NRG3: variants seen among roughly 807,000 people sequenced by gnomAD.
NRG3 encodes the protein pro-neuregulin-3, membrane-bound isoform.
Under a neutral mutation model 66.9 loss-of-function variants are expected in NRG3, and 31 were observed. That is an observed-to-expected ratio of 0.46 (90% CI 0.35 to 0.63). NRG3 has a LOEUF of 0.63. Ranked by LOEUF, NRG3 falls within the 20% of genes least tolerant of loss-of-function variation. NRG3 has a pLI of 0.00. For synonymous variants in NRG3, 393 were observed against 359.4 expected (o/e 1.09, Z -1.06); for missense variants, 910 against 878.9 (o/e 1.04, Z -0.45).
chr10:82,900,178 G>A (rs1035550778), intron 4 of NRG3, among the ~76,000 whole-genome samples: 3 of 152,100 alleles, frequency 2.0e-5, no homozygotes, highest in Non-Finnish European at 2.9e-5. Flanking sequence ...ATCACTGAGG[G>A]AATGGTGCTA....
chr10:82,985,173 C>T lies in NRG3; in HGVS notation c.1659C>T (p.Pro553=), dbSNP rs144443661. ...NMQLPSRETN[P]YFNSLEQKDL... is the part of the protein sequence containing the mutation. ...AACTGCCTTCAAGAGAGACAAACCC[C>T]TATTTTAATAGCTTGGAGCAAAAGG... is the stretch of plus-strand genomic sequence containing the variant. The change falls in exon 9 of 9, where the codon CCC becomes CCT. Residue 553 remains proline (P), a synonymous_variant. Coordinates refer to ENST00000372141, the MANE Select transcript of NRG3 (RefSeq NM_001010848.4). The T allele has an allele frequency of 4.3e-6, 7 of 1,613,990 alleles. No homozygotes were observed. The African/African-American group carries it at 5.3e-5, about 12-fold the overall frequency.
intron 3 of NRG3, among the ~76,000 whole-genome samples, chr10:82,807,784 T>C (rs1265337334): frequency 6.6e-6 from 1 of 152,198 alleles, no homozygotes; most frequent in Non-Finnish European, 1.5e-5. Context: ...TTTTTCCCTG[T>C]TTCCTGTCTT....
chr10:82,490,514 T>C (rs369947824), intron 2 of NRG3, among the ~76,000 whole-genome samples: 2 of 152,286 alleles, frequency 1.3e-5, no homozygotes, highest in African/African-American at 4.8e-5. Flanking sequence ...CATCTTTTTT[T>C]TGATGCTCTT....
At chr10:82,602,281 C>T (rs1193128425) in intron 2 of NRG3, among the ~76,000 whole-genome samples, 1 of 152,046 alleles carries the variant, frequency 6.6e-6, no homozygotes, top group Non-Finnish European at 1.5e-5. Context: ...TCTATGCCTG[C>T]ATTCTTGATA....
At chr10:82,287,569 T>A (rs544840571) in intron 1 of NRG3, among the ~76,000 whole-genome samples, 13 of 151,394 alleles carry the variant, frequency 8.6e-5, no homozygotes, top group Admixed American at 2.0e-4. Context: ...GGGAGTGGGG[T>A]GAGGGTGGGC....
chr10:82,711,274 A>G (rs1008854011), intron 2 of NRG3, among the ~76,000 whole-genome samples: 1 of 151,774 alleles, frequency 6.6e-6, no homozygotes, highest in African/African-American at 2.4e-5. Context: ...TTTTTTAGAG[A>G]TGGAGCCCTG....
chr10:82,151,116 AG>A (rs1564613095), intron 1 of NRG3, among the ~76,000 whole-genome samples: 1 of 152,230 alleles, frequency 6.6e-6, no homozygotes, highest in Non-Finnish European at 1.5e-5. Context: ...AGCTTAGCAA[AG>A]GGGCGAAGCC....
intron 2 of NRG3, among the ~76,000 whole-genome samples, chr10:82,663,086 G>A (rs955159665): frequency 6.6e-6 from 1 of 152,184 alleles, no homozygotes; most frequent in Non-Finnish European, 1.5e-5. Context: ...ACCAAGAAAG[G>A]AGAATAATAT....
rs186848178 is a variant in NRG3 at position 82,264,434 on chromosome 10, A to G, written c.824-94305A>G. 2.6e-5 allele frequency among the ~76,000 whole-genome samples: 4 copies of G among 152,152 alleles called. No individual in the cohort carries two copies. The East Asian group carries it at 7.8e-4, about 30-fold the overall frequency. ...CACTCCCGCCCCGCCCGATTCAATT[A>G]TCTCCACCCGGTCCTGCCCTTGACA... On this transcript the variant is annotated intron_variant, in intron 1 of 8. Transcript: ENST00000372141.
At chr10:82,845,334 T>G (rs781063851) in intron 3 of NRG3, among the ~76,000 whole-genome samples, 4 of 152,256 alleles carry the variant, frequency 2.6e-5, no homozygotes, top group Admixed American at 6.5e-5. Context: ...ATCATTGCTC[T>G]TACTGTCATA....
At chr10:82,172,049 T>A (rs2072660745) in intron 1 of NRG3, among the ~76,000 whole-genome samples, 1 of 152,110 alleles carries the variant, frequency 6.6e-6, no homozygotes, top group South Asian at 2.1e-4. Context: ...TTGGGGTTGA[T>A]GAAAATGCCC....
chr10:82,862,496 T>C (rs2064184315), intron 3 of NRG3, among the ~76,000 whole-genome samples: 1 of 152,208 alleles, frequency 6.6e-6, no homozygotes, highest in South Asian at 2.1e-4. Flanking sequence ...ATCCTGAGTG[T>C]ATGTACTAAC....
At position 82,914,826 on chromosome 10, in the gene NRG3, A is replaced by G. The variant is rs925964713; in HGVS notation, c.1055-36643A>G. On this transcript the variant is annotated intron_variant, in intron 4 of 8. Coordinates refer to ENST00000372141, the MANE Select transcript of NRG3 (RefSeq NM_001010848.4). ...GTTTCAAATTAGGTATTTCCCTCCA[A>G]TGTTGAATGTTAGAGGAAGCTGTAA... is the stretch of plus-strand genomic sequence containing the variant. 3.3e-5 allele frequency among the ~76,000 whole-genome samples: 5 copies of G among 151,986 alleles called. No individual in the cohort carries two copies. In the East Asian group the frequency reaches 9.7e-4, roughly 29 times the overall value.
intron 1 of NRG3, among the ~76,000 whole-genome samples, chr10:82,279,602 A>T (rs1455076207): frequency 6.6e-6 from 1 of 152,192 alleles, no homozygotes; most frequent in African/African-American, 2.4e-5. Flanking sequence ...GCATTAATGC[A>T]CTTAGGGATG....
intron 2 of NRG3, among the ~76,000 whole-genome samples, chr10:82,486,708 G>A (rs1037429795): frequency 2.0e-5 from 3 of 152,194 alleles, no homozygotes; most frequent in South Asian, 2.1e-4. Flanking sequence ...CACCACACCC[G>A]GCCACAATGG....
intron 1 of NRG3, among the ~76,000 whole-genome samples, chr10:82,027,909 A>C (rs962450045): frequency 6.6e-6 from 1 of 152,126 alleles, no homozygotes; most frequent in African/African-American, 2.4e-5. Flanking sequence ...AGTTAGTCAC[A>C]GACTTTACTC....
In NRG3 at chr10:82,376,326, C is replaced by A. The variant is rs561385264; in HGVS notation, c.953+17458C>A. Reference sequence around the variant, plus strand: ...TAAGGCATTTGTCTTTTAAAGCTGCCTAAGTGATTTCCATGGGTAGCCCTG... The same window carrying A: ...TAAGGCATTTGTCTTTTAAAGCTGCATAAGTGATTTCCATGGGTAGCCCTG... On this transcript the variant is annotated intron_variant, in intron 2 of 8. Coordinates refer to ENST00000372141, the MANE Select transcript of NRG3 (RefSeq NM_001010848.4). Among the ~76,000 whole-genome samples the A allele has an allele frequency of 1.2e-4, 18 of 152,306 alleles. No individual in the cohort carries two copies. In the South Asian group the frequency reaches 3.3e-3, roughly 28 times the overall value.
At chr10:82,074,654 A>ACT (rs1379047900) in intron 1 of NRG3, among the ~76,000 whole-genome samples, 2 of 151,968 alleles carry the variant, frequency 1.3e-5, no homozygotes, top group East Asian at 1.9e-4. Context: ...ACATAGCAAG[A>ACT]CTCTCTCTCT....
At chr10:82,143,257 C>T (rs1299525977) in intron 1 of NRG3, among the ~76,000 whole-genome samples, 2 of 151,980 alleles carry the variant, frequency 1.3e-5, no homozygotes, top group African/African-American at 2.4e-5. Flanking sequence ...AGGCAGGGGG[C>T]GGAGACTAAA....
Sources: gnomAD v4.1 joint callset for allele counts (sites outside exome capture counted in the v4.1 genomes callset) on GRCh38, gnomAD v4.1.1 for gene constraint, MANE v1.5 for transcripts, NCBI Gene and HGNC (gene_info 2026-07-23, HGNC 2026-07-21) for gene names.